KAZN: variants seen among roughly 807,000 people sequenced by gnomAD.
KAZN encodes kazrin.
Under a neutral mutation model 87.4 loss-of-function variants are expected in KAZN, and 40 were observed. That is an observed-to-expected ratio of 0.46 (90% CI 0.36 to 0.60). KAZN has a LOEUF of 0.60. Ranked by LOEUF, KAZN falls within the 20% of genes least tolerant of loss-of-function variation. The pLI is 0.00. For synonymous variants in KAZN, 466 were observed against 458.3 expected, an observed-to-expected ratio of 1.02 and a Z score of -0.22; for missense variants, 898 against 1,073.9, an observed-to-expected ratio of 0.84 and a Z score of 2.29.
intron 2 of KAZN, among the ~76,000 whole-genome samples, chr1:14,517,616 G>A (rs1255784063): frequency 1.3e-5 from 2 of 152,148 alleles, no homozygotes; most frequent in African/African-American, 2.4e-5. Context: ...ACAACAAGTC[G>A]GGCTACAATC....
At chr1:13,967,675 T>A (rs1641993627) in intron 1 of KAZN, among the ~76,000 whole-genome samples, 1 of 152,184 alleles carries the variant, frequency 6.6e-6, no homozygotes, top group Non-Finnish European at 1.5e-5. Context: ...GTAGGAGAAG[T>A]GCCTTCATAC....
intron 1 of KAZN, among the ~76,000 whole-genome samples, chr1:13,956,502 C>A (rs1476128737): frequency 1.3e-5 from 2 of 151,810 alleles, no homozygotes; most frequent in East Asian, 3.9e-4. Context: ...TCAAAAGGAA[C>A]TTTTAGGAGA....
rs140282183 is a variant in KAZN at position 14,928,496 on chromosome 1, T to G, written c.227-32188T>G. The stretch of plus-strand genomic sequence containing the variant: ...AAGTAGACCCACATTGTTTCTGGTC[T>G]CTTTTTCCTTTAAATTTTTATCCTT... On this transcript the variant is annotated intron_variant, in intron 1 of 14. Transcript: ENST00000376030. 8.5e-4 allele frequency among the ~76,000 whole-genome samples: 130 copies of G among 152,204 alleles called. 1 individual carries two copies. Among genetic ancestry groups the G allele is most frequent in the Non-Finnish European group, 1.2e-3 (82 of 68,012 alleles).
At chr1:14,022,989 T>A (rs1033305951) in intron 1 of KAZN, among the ~76,000 whole-genome samples, 3 of 152,154 alleles carry the variant, frequency 2.0e-5, no homozygotes, top group Non-Finnish European at 4.4e-5. Context: ...CTGGTATGAT[T>A]CTTAAGGGGA....
At chr1:14,170,349 A>G (rs937202555) in intron 1 of KAZN, among the ~76,000 whole-genome samples, 3 of 151,928 alleles carry the variant, frequency 2.0e-5, no homozygotes, top group Non-Finnish European at 4.4e-5. Context: ...CTTGTAAGTT[A>G]TGACTCTTTC....
At chr1:14,484,144 G>A (rs1470045655) in intron 2 of KAZN, among the ~76,000 whole-genome samples, 2 of 152,130 alleles carry the variant, frequency 1.3e-5, no homozygotes, top group Non-Finnish European at 2.9e-5. Context: ...ATGCCAGTAC[G>A]ATGGTGTTTT....
intron 2 of KAZN, among the ~76,000 whole-genome samples, chr1:14,404,852 C>T (rs1399064270): frequency 6.6e-6 from 1 of 152,140 alleles, no homozygotes; most frequent in African/African-American, 2.4e-5. Context: ...ACTTAAAGAA[C>T]ACTCAATAAA....
At chr1:15,069,445 G>A (rs1639409735) in intron 8 of KAZN, among the ~76,000 whole-genome samples, 1 of 152,200 alleles carries the variant, frequency 6.6e-6, no homozygotes, top group Middle Eastern at 3.2e-3. Flanking sequence ...TCAAGAGCCA[G>A]GCCATACCTT....
intron 1 of KAZN, among the ~76,000 whole-genome samples, chr1:14,024,688 T>C (rs1253346285): frequency 1.3e-5 from 2 of 152,140 alleles, no homozygotes; most frequent in Admixed American, 6.5e-5. Context: ...TCCAAGCTGG[T>C]AGGGTTTGGC....
chr1:14,595,726 G>T (rs1676464289), upstream of KAZN, among the ~76,000 whole-genome samples: 1 of 150,478 alleles, frequency 6.6e-6, no homozygotes, highest in African/African-American at 2.5e-5. Context: ...AAAAAAGAAA[G>T]GTAGACCTTT....
chr1:14,437,165 C>G (rs1264688791), intron 2 of KAZN, among the ~76,000 whole-genome samples: 2 of 152,170 alleles, frequency 1.3e-5, no homozygotes, highest in Non-Finnish European at 2.9e-5. Context: ...AGCCATGTGT[C>G]TCTTCTAGAT....
At chr1:14,177,392 A>C (rs745306653) in intron 1 of KAZN, among the ~76,000 whole-genome samples, 42 of 152,138 alleles carry the variant, frequency 2.8e-4, no homozygotes, top group Non-Finnish European at 5.6e-4. Context: ...GTTTCTACCT[A>C]ATGTCATTTT....
intron 1 of KAZN, among the ~76,000 whole-genome samples, chr1:13,948,823 G>A (rs78143978): frequency 0.014 from 2,094 of 152,190 alleles, 34 homozygotes; most frequent in Non-Finnish European, 0.022. Flanking sequence ...TTATTTTCAG[G>A]AATGAAAATA....
chr1:15,070,581 G>A (rs10927666), intron 8 of KAZN, among the ~76,000 whole-genome samples: 16,913 of 152,266 alleles, frequency 0.11, 1,523 homozygotes, highest in East Asian at 0.53. Flanking sequence ...AAACGGTATC[G>A]TGCCCGTCAC....
intron 1 of KAZN, among the ~76,000 whole-genome samples, chr1:14,041,929 G>C (rs1246155417): frequency 6.6e-6 from 1 of 152,148 alleles, no homozygotes; most frequent in Non-Finnish European, 1.5e-5. Context: ...GAAAAGTCCA[G>C]TTCCGTACTG....
intron 1 of KAZN, among the ~76,000 whole-genome samples, chr1:14,707,297 G>A (rs1463281005): frequency 1.3e-5 from 2 of 152,168 alleles, no homozygotes; most frequent in South Asian, 2.1e-4. Context: ...GGTAATAAAT[G>A]CGTGAGAGGA....
chr1:15,050,465 A>G (rs1033753511), intron 4 of KAZN, among the ~76,000 whole-genome samples: 1 of 152,158 alleles, frequency 6.6e-6, no homozygotes, highest in Non-Finnish European at 1.5e-5. Flanking sequence ...TAAAAACGAC[A>G]GCCACCACAG....
At chr1:14,857,869 A>C (rs952622110) in intron 1 of KAZN, among the ~76,000 whole-genome samples, 2 of 152,082 alleles carry the variant, frequency 1.3e-5, no homozygotes, top group Non-Finnish European at 2.9e-5. Flanking sequence ...CCATTTAAAG[A>C]GTACAATTCA....
Position 14,906,673 on chromosome 1 carries a change from A to G in KAZN, c.227-54011A>G, listed in dbSNP as rs185823168. Among the ~76,000 whole-genome samples, 13 of 151,790 alleles carry G rather than the reference A, an allele frequency of 8.6e-5. No individual in the cohort carries two copies. The East Asian group carries it at 2.3e-3, about 27-fold the overall frequency. ...CTGTTGAAATAAGCAAGTTAGTTTCAGGATTAAAAAATAACATTGTTTCAC... is the reference window on the plus strand; with the variant it reads ...CTGTTGAAATAAGCAAGTTAGTTTCGGGATTAAAAAATAACATTGTTTCAC... On this transcript the variant is annotated intron_variant, in intron 1 of 14. Coordinates refer to ENST00000376030, the MANE Select transcript of KAZN (RefSeq NM_201628.3).
Sources: gnomAD v4.1 joint callset for allele counts (sites outside exome capture counted in the v4.1 genomes callset) on GRCh38, gnomAD v4.1.1 for gene constraint, MANE v1.5 for transcripts, NCBI Gene and HGNC (gene_info 2026-07-23, HGNC 2026-07-21) for gene names.